Variants in GULP1 observed in about 807,000 individuals in gnomAD.
GULP1 encodes PTB domain-containing engulfment adapter protein 1.
In GULP1, 19 loss-of-function variants were observed where a neutral mutation model predicts 40.9. That is an observed-to-expected ratio of 0.46 (90% CI 0.32 to 0.68). GULP1 has a LOEUF of 0.68. GULP1 is among the 30% of genes least tolerant of loss of function. The pLI is 0.03. For synonymous variants in GULP1, 119 were observed against 117.6 expected, an observed-to-expected ratio of 1.01 and a Z score of -0.08; for missense variants, 312 against 362.2, an observed-to-expected ratio of 0.86 and a Z score of 1.12.
chr2:188,576,441 G>A (rs1014044204), intron 9 of GULP1, among the ~76,000 whole-genome samples: 5 of 151,934 alleles, frequency 3.3e-5, no homozygotes, highest in African/African-American at 9.7e-5. Flanking sequence ...ATTTGCTTCC[G>A]ACCCTTTTCA....
intron 6 of GULP1, among the ~76,000 whole-genome samples, chr2:188,536,324 G>T (rs780847572): frequency 1.6e-4 from 25 of 151,896 alleles, no homozygotes; most frequent in Non-Finnish European, 2.9e-4. Context: ...TATAGTTTGA[G>T]GTACTACATT....
chr2:188,463,993 G>T (rs914973043), intron 2 of GULP1, among the ~76,000 whole-genome samples: 1 of 151,852 alleles, frequency 6.6e-6, no homozygotes, highest in African/African-American at 2.4e-5. Context: ...ACATATCTCT[G>T]TTTCTCCAGG....
At chr2:188,515,977 C>A (rs1028584202) in intron 4 of GULP1, among the ~76,000 whole-genome samples, 1 of 151,970 alleles carries the variant, frequency 6.6e-6, no homozygotes, top group Non-Finnish European at 1.5e-5. Flanking sequence ...AAAACAAAAC[C>A]TTCTCTAGCC....
intron 11 of GULP1, chr2:188,590,156 T>C (rs1703235374): frequency 1.3e-5 from 2 of 152,436 alleles, no homozygotes. Flanking sequence ...TATTTTTTGT[T>C]AAAAACAGGG....
rs532652635 is a variant in GULP1, at chr2:188,555,394, A to G, written c.400-13845A>G. On this transcript the variant is annotated intron_variant, in intron 7 of 11. Coordinates refer to ENST00000409830, the MANE Select transcript of GULP1 (RefSeq NM_016315.4). ...TTTAAGACTTCCTTGAACAATTCAT[A>G]TAAGACCAGTCTAGTGGTAACAAAT... 2.0e-5 allele frequency among the ~76,000 whole-genome samples: 3 copies of G among 152,326 alleles called. No individual in the cohort carries two copies. The South Asian group carries it at 6.2e-4, about 32-fold the overall frequency.
intron 11 of GULP1, chr2:188,590,549 C>G (rs1418568130): frequency 6.6e-6 from 1 of 151,976 alleles, no homozygotes. Context: ...TTAAGAGAAT[C>G]GAATTATTAA....
intron 7 of GULP1, among the ~76,000 whole-genome samples, chr2:188,568,758 A>G (rs1479463359): frequency 6.6e-6 from 1 of 152,124 alleles, no homozygotes; most frequent in Non-Finnish European, 1.5e-5. Flanking sequence ...TTTTCCAGAG[A>G]CACCACCTGG....
intron 4 of GULP1, among the ~76,000 whole-genome samples, chr2:188,508,880 C>T (rs903509342): frequency 1.2e-4 from 5 of 42,500 alleles, no homozygotes; most frequent in Non-Finnish European, 1.0e-4. Flanking sequence ...GGCACTTTAC[C>T]CACACAATTT....
chr2:188,538,475 A>C (rs2153293071), intron 6 of GULP1, among the ~76,000 whole-genome samples: 1 of 152,270 alleles, frequency 6.6e-6, no homozygotes, highest in Middle Eastern at 3.4e-3. Context: ...TTATACATTC[A>C]ATTATATTGC....
chr2:188,384,324 AG>A (rs2049384226), intron 2 of GULP1: 1 of 152,260 alleles, frequency 6.6e-6, no homozygotes, highest in Non-Finnish European at 1.5e-5. Context: ...GAGCTTGTGC[AG>A]GGAAACGCCT....
At chr2:188,527,272 G>C (rs1686410513) in intron 5 of GULP1, among the ~76,000 whole-genome samples, 1 of 152,164 alleles carries the variant, frequency 6.6e-6, no homozygotes, top group Admixed American at 6.5e-5. Flanking sequence ...GAGTCTGGAT[G>C]TGGAAGGGGC....
intron 2 of GULP1, among the ~76,000 whole-genome samples, chr2:188,466,984 A>C (rs898983200): frequency 2.6e-5 from 4 of 152,166 alleles, no homozygotes; most frequent in Non-Finnish European, 4.4e-5. Context: ...AAGAAAAAAA[A>C]AAGTAGCAGC....
intron 6 of GULP1, among the ~76,000 whole-genome samples, chr2:188,537,806 A>G (rs776720146): frequency 2.6e-5 from 4 of 152,066 alleles, no homozygotes; most frequent in Non-Finnish European, 4.4e-5. Context: ...CTGTGAATCC[A>G]TCTGCTCTGG....
At chr2:188,583,985 T>C (rs1260439481) in intron 9 of GULP1, among the ~76,000 whole-genome samples, 1 of 152,226 alleles carries the variant, frequency 6.6e-6, no homozygotes. Flanking sequence ...TCACTGTATC[T>C]TTTATATTCA....
chr2:188,553,258 C>G (rs1693952509), intron 7 of GULP1, among the ~76,000 whole-genome samples: 1 of 151,812 alleles, frequency 6.6e-6, no homozygotes, highest in Non-Finnish European at 1.5e-5. Context: ...TGTCTTGTTC[C>G]AGTTCGTAGA....
At chr2:188,428,808 T>G (rs376456620) in intron 2 of GULP1, among the ~76,000 whole-genome samples, 38 of 152,304 alleles carry the variant, frequency 2.5e-4, no homozygotes, top group African/African-American at 7.7e-4. Context: ...ATTCAGAGAA[T>G]GACTAATTCA....
chr2:188,352,715 T>C (rs1164953213), intron 1 of GULP1, among the ~76,000 whole-genome samples: 2 of 151,752 alleles, frequency 1.3e-5, no homozygotes, highest in Admixed American at 6.6e-5. Flanking sequence ...TTTAAACTTA[T>C]GTGTATGTTT....
intron 7 of GULP1, 163 bp downstream of exon 7, chr2:188,541,481 G>A: frequency 1.4e-6 from 1 of 706,392 alleles, no homozygotes; most frequent in Non-Finnish European, 2.6e-6. Context: ...ATTTTGTCAT[G>A]AGAATATGCT....
intron 2 of GULP1, among the ~76,000 whole-genome samples, chr2:188,400,506 T>C (rs1402500929): frequency 2.0e-5 from 3 of 152,122 alleles, no homozygotes; most frequent in Non-Finnish European, 1.5e-5. Flanking sequence ...GTGACGAGGC[T>C]AGTGTAACAG....
Sources: allele counts gnomAD v4.1 joint callset (sites outside exome capture counted in the v4.1 genomes callset), GRCh38; gene constraint gnomAD v4.1.1; transcripts MANE v1.5; gene names NCBI Gene and HGNC (gene_info 2026-07-23, HGNC 2026-07-21).